RNF180: variants seen among roughly 807,000 people sequenced by gnomAD.
RNF180 encodes E3 ubiquitin-protein ligase RNF180.
A neutral mutation model predicts 59.2 loss-of-function variants in RNF180; 38 were observed. The observed-to-expected ratio is 0.64, with a 90% confidence interval of 0.50 to 0.84. The LOEUF (loss-of-function observed/expected upper bound fraction) is 0.84, where lower values mean the gene tolerates loss of function less well. RNF180 is among the 40% of genes least tolerant of loss of function. The probability of loss-of-function intolerance (pLI) is 0.00; values close to 1 mark genes in which losing one functional copy is unlikely to be tolerated. For synonymous variants in RNF180, 262 were observed against 240.3 expected (o/e 1.09, Z -0.84); for missense variants, 705 against 700.9 (o/e 1.01, Z -0.07).
intron 7 of RNF180, among the ~76,000 whole-genome samples, chr5:64,349,581 C>T (rs962777437): frequency 6.6e-6 from 1 of 151,914 alleles, no homozygotes; most frequent in Non-Finnish European, 1.5e-5. Flanking sequence ...ATCTCTCCCC[C>T]CTTGCCCCCC....
rs941380828 is a variant in RNF180, at chr5:64,367,892, A to G, written c.1580-1723A>G. ...TTAAAGTAGAAAGCAGATAAGTAAA[A>G]AGCAAAAGATTAATAGGTTATCAGT... On this transcript the variant is annotated intron_variant, in intron 7 of 7. Coordinates refer to ENST00000389100, the MANE Select transcript of RNF180 (RefSeq NM_001113561.2). 6.6e-5 allele frequency among the ~76,000 whole-genome samples: 10 copies of G among 151,704 alleles called. 1 individual carries two copies. The highest frequency in any genetic ancestry group is 5.9e-4 in the Admixed American group (9 of 15,168).
intron 5 of RNF180, among the ~76,000 whole-genome samples, chr5:64,323,163 A>AT (rs887402125): frequency 8.5e-5 from 13 of 152,196 alleles, no homozygotes; most frequent in Non-Finnish European, 1.6e-4. Flanking sequence ...AGTTGAGAAT[A>AT]TAATGTCTTG....
In RNF180 at chr5:64,291,447, C is replaced by T. The variant is rs1220329640; in HGVS notation, c.1228-33739C>T. ...TTTTTTTTTTTTTTTTTTTTTGAGG[C>T]GGAGTCTCGATCTGTTGCCCAGGCT... On this transcript the variant is annotated intron_variant, in intron 5 of 7. Transcript: ENST00000389100. Among the ~76,000 whole-genome samples the T allele has an allele frequency of 3.4e-3, 262 of 77,802 alleles. 2 individuals are homozygous for T. Among genetic ancestry groups the T allele is most frequent in the African/African-American group, 0.014 (257 of 18,312 alleles). The allele number at this position is 77,802 out of a possible 152,430, so 51.0% of individuals were successfully genotyped here.
intron 1 of RNF180, among the ~76,000 whole-genome samples, chr5:64,184,045 A>G (rs770111677): frequency 6.6e-5 from 10 of 152,200 alleles, no homozygotes; most frequent in Admixed American, 1.3e-4. Flanking sequence ...ATCCTTATAC[A>G]TAGAACAAAT....
chr5:64,232,808 T>C (rs565086808), intron 5 of RNF180, among the ~76,000 whole-genome samples: 5 of 152,342 alleles, frequency 3.3e-5, no homozygotes, highest in Non-Finnish European at 4.4e-5. Context: ...TTGGATATAT[T>C]ATTCACTCAA....
chr5:64,315,232 A>G (rs1743975776), intron 5 of RNF180, among the ~76,000 whole-genome samples: 1 of 152,216 alleles, frequency 6.6e-6, no homozygotes, highest in South Asian at 2.1e-4. Context: ...AAATTTTACA[A>G]ACTTCTGACT....
chr5:64,175,013 G>C (rs971947443), intron 1 of RNF180, among the ~76,000 whole-genome samples: 1 of 140,540 alleles, frequency 7.1e-6, no homozygotes, highest in African/African-American at 2.8e-5. Context: ...TGTCCCCCAG[G>C]CTGGAGTGCA....
Position 64,363,813 on chromosome 5 carries a change from G to A in RNF180, c.1580-5802G>A, listed in dbSNP as rs556348690. 2.0e-5 allele frequency among the ~76,000 whole-genome samples: 3 copies of A among 151,900 alleles called. No individual in the cohort carries two copies. In the South Asian group the frequency reaches 6.2e-4, roughly 32 times the overall value. The stretch of plus-strand genomic sequence containing the variant: ...TAGATATCTTTCACCTTCCTGGTTA[G>A]CTGTATTCCTGGGTATTTTATTCTT... On this transcript the variant is annotated intron_variant, in intron 7 of 7. Transcript: ENST00000389100.
chr5:64,201,941 A>G (rs1751774116), intron 2 of RNF180, among the ~76,000 whole-genome samples: 1 of 152,210 alleles, frequency 6.6e-6, no homozygotes, highest in Non-Finnish European at 1.5e-5. Context: ...GGGTTTCACC[A>G]TATTGGTCAG....
chr5:64,214,001 T>G lies in RNF180; in HGVS notation c.675T>G (p.His225Gln), dbSNP rs1752473231. 2.5e-6 allele frequency: 4 copies of G among 1,614,028 alleles called. No homozygotes were observed. In the East Asian group the frequency reaches 8.9e-5, roughly 36 times the overall value. The change falls in exon 4 of 8, where the codon CAT (histidine) becomes CAG (glutamine). Residue 225 changes from histidine (H) to glutamine (Q), a missense_variant. Coordinates refer to ENST00000389100, the MANE Select transcript of RNF180 (RefSeq NM_001113561.2). ...GCAGATGCGCTACAAGAGCTTTTCA[T>G]AGAAAATCACATAGTTTGGATCTGA... Reference protein sequence around the residue: ...VTGRCATRAFHRKSHSLDLNI... With the variant: ...VTGRCATRAFQRKSHSLDLNI...
intron 5 of RNF180, among the ~76,000 whole-genome samples, chr5:64,294,512 T>G (rs1023754460): frequency 2.0e-5 from 3 of 152,228 alleles, no homozygotes; most frequent in Admixed American, 6.5e-5. Flanking sequence ...ATGTATTACT[T>G]TTTTTGTAAA....
intron 5 of RNF180, among the ~76,000 whole-genome samples, chr5:64,250,838 A>G (rs1743521778): frequency 6.6e-6 from 1 of 152,152 alleles, no homozygotes; most frequent in African/African-American, 2.4e-5. Flanking sequence ...AGGAGGGAAT[A>G]CTTTCAAACT....
chr5:64,259,130 A>G (rs1406299816), intron 5 of RNF180, among the ~76,000 whole-genome samples: 1 of 151,920 alleles, frequency 6.6e-6, no homozygotes, highest in African/African-American at 2.4e-5. Context: ...AATACTAACC[A>G]CCTCCTTTCT....
intron 7 of RNF180, among the ~76,000 whole-genome samples, chr5:64,353,203 A>G (rs1035442013): frequency 5.9e-5 from 9 of 151,858 alleles, no homozygotes; most frequent in Non-Finnish European, 1.0e-4. Context: ...TCTGTATTCC[A>G]TATTAACAGA....
At chr5:64,208,602 A>AT (rs1752145534) in intron 2 of RNF180, among the ~76,000 whole-genome samples, 2 of 151,998 alleles carry the variant, frequency 1.3e-5, no homozygotes, top group South Asian at 4.1e-4. Flanking sequence ...ATAAAAATGT[A>AT]TTTTTTCTAA....
intron 1 of RNF180, among the ~76,000 whole-genome samples, chr5:64,189,161 A>T (rs909114900): frequency 6.6e-6 from 1 of 151,964 alleles, no homozygotes; most frequent in Non-Finnish European, 1.5e-5. Context: ...TGAGACAATA[A>T]ATTTCTTTGG....
At chr5:64,186,592 A>G (rs1750885662) in intron 1 of RNF180, among the ~76,000 whole-genome samples, 1 of 152,188 alleles carries the variant, frequency 6.6e-6, no homozygotes, top group Non-Finnish European at 1.5e-5. Context: ...GGACAAAATA[A>G]TAGTTTCTCA....
intron 5 of RNF180, among the ~76,000 whole-genome samples, chr5:64,310,774 G>A (rs1743725502): frequency 6.6e-6 from 1 of 151,816 alleles, no homozygotes; most frequent in African/African-American, 2.4e-5. Flanking sequence ...AATCTGGAAG[G>A]GGAAAGAGTG....
In RNF180 at chr5:64,213,541, T is replaced by G; in HGVS notation, c.232-17T>G. ...TATAATGAAAGCACTGTCTTTATTC[T>G]TCTTTATTACCTGTAGGCCCAGTGG... On this transcript the variant is annotated splice_polypyrimidine_tract_variant and intron_variant, in intron 3 of 7. Coordinates refer to ENST00000389100, the MANE Select transcript of RNF180 (RefSeq NM_001113561.2). 6.3e-7 allele frequency: 1 copy of G among 1,583,616 alleles called. No individual in the cohort carries two copies. Among genetic ancestry groups the G allele is most frequent in the Admixed American group, 1.9e-5 (1 of 53,724 alleles).
Sources: allele counts gnomAD v4.1 joint callset (sites outside exome capture counted in the v4.1 genomes callset), GRCh38; gene constraint gnomAD v4.1.1; transcripts MANE v1.5; gene names NCBI Gene and HGNC (gene_info 2026-07-23, HGNC 2026-07-21).